The following PCP4 variants were observed in gnomAD, a reference collection of about 807,000 sequenced individuals.
PCP4 encodes the protein calmodulin regulator protein PCP4.
A neutral mutation model predicts 10.0 loss-of-function variants in PCP4; 8 were observed. The ratio of observed to expected loss-of-function variants is 0.80; its 90% confidence interval spans 0.47 to 1.45. The LOEUF (loss-of-function observed/expected upper bound fraction) is 1.45. Among genes scored for constraint, PCP4 ranks in the 40% most tolerant of loss-of-function variants. The pLI is 0.00. For synonymous variants in PCP4, 21 were observed against 23.0 expected, an observed-to-expected ratio of 0.91 and a Z score of 0.24; for missense variants, 54 against 74.4, an observed-to-expected ratio of 0.73 and a Z score of 1.01.
chr21:39,877,728 A>G (rs183468062), intron 1 of PCP4, among the ~76,000 whole-genome samples: 57 of 151,830 alleles, frequency 3.8e-4, no homozygotes, highest in Admixed American at 1.9e-3. Flanking sequence ...ACAAAACAAA[A>G]CAATCAAAGA....
At chr21:39,886,631 A>C (rs2146330981) in intron 1 of PCP4, among the ~76,000 whole-genome samples, 2 of 152,306 alleles carry the variant, frequency 1.3e-5, no homozygotes, top group African/African-American at 4.8e-5. Context: ...ACAAGTATGA[A>C]ATATGTAAGA....
In PCP4 at chr21:39,882,668, G is replaced by A. The variant is rs144201304; in HGVS notation, c.9+15158G>A. ...TTAGTGTTCTTGAAATGATTACATC[G>A]TCAGTTTCATTTAGTTCTAGAAGAC... On this transcript the variant is annotated intron_variant, in intron 1 of 2. Coordinates refer to ENST00000328619, the MANE Select transcript of PCP4 (RefSeq NM_006198.3). Among the ~76,000 whole-genome samples the A allele has an allele frequency of 3.0e-3, 454 of 152,274 alleles. 2 individuals are homozygous for A. The highest frequency in any genetic ancestry group is 1.0e-2 in the African/African-American group (415 of 41,554).
chr21:39,898,894 C>G (rs942345740), intron 2 of PCP4, among the ~76,000 whole-genome samples: 1 of 152,200 alleles, frequency 6.6e-6, no homozygotes, highest in African/African-American at 2.4e-5. Context: ...GTGAAGTACA[C>G]AACTTCTGAA....
At chr21:39,915,668 C>A (rs1234564546) in intron 2 of PCP4, among the ~76,000 whole-genome samples, 1 of 152,136 alleles carries the variant, frequency 6.6e-6, no homozygotes, top group African/African-American at 2.4e-5. Context: ...TGAGCACCAG[C>A]CATTGCACCT....
rs527456881 is a variant in PCP4, at chr21:39,920,209, T to A, written c.62-8775T>A. 9.0e-3 allele frequency among the ~76,000 whole-genome samples: 1,319 copies of A among 146,760 alleles called. 22 individuals are homozygous for A. Among genetic ancestry groups the A allele is most frequent in the African/African-American group, 0.032 (1,271 of 39,414 alleles). ...GTGTTTGTGTGTGATACGATATGTG[T>A]GTTTGGTGTGGTGTGGGTGTGGTGT... On this transcript the variant is annotated intron_variant, in intron 2 of 2. Coordinates refer to ENST00000328619, the MANE Select transcript of PCP4 (RefSeq NM_006198.3).
intron 1 of PCP4, among the ~76,000 whole-genome samples, chr21:39,888,623 C>T (rs761949220): frequency 3.4e-4 from 52 of 152,316 alleles, no homozygotes; most frequent in Non-Finnish European, 2.2e-4. Flanking sequence ...GGGACTCCCC[C>T]GCTGCCCCCG....
intron 2 of PCP4, among the ~76,000 whole-genome samples, chr21:39,903,867 CAAAAAAAACA>C (rs2087493361): frequency 2.9e-5 from 1 of 34,822 alleles, no homozygotes; most frequent in Admixed American, 4.0e-4. Flanking sequence ...GACTCCGTCT[CAAAAAAAACA>C]AAAAAAAAAA....
intron 1 of PCP4, among the ~76,000 whole-genome samples, chr21:39,873,165 C>A (rs554891387): frequency 1.3e-5 from 2 of 152,194 alleles, no homozygotes; most frequent in African/African-American, 2.4e-5. Flanking sequence ...CTGTGAATAC[C>A]TTGGAAAGTG....
chr21:39,876,734 C>T (rs55986519), intron 1 of PCP4, among the ~76,000 whole-genome samples: 29,221 of 152,130 alleles, frequency 0.19, 3,031 homozygotes, highest in South Asian at 0.39. Flanking sequence ...AATAGAAATT[C>T]TAAAGTCTTC....
chr21:39,912,313 T>TA (rs1196346892), intron 2 of PCP4, among the ~76,000 whole-genome samples: 1 of 92,854 alleles, frequency 1.1e-5, no homozygotes, highest in Non-Finnish European at 2.1e-5. Flanking sequence ...TTTTGAAAGG[T>TA]TTTTTTTTTT....
chr21:39,903,867 C>CAAAAAAAA (rs1210365373), intron 2 of PCP4, among the ~76,000 whole-genome samples: 1,032 of 34,572 alleles, frequency 0.03, 26 homozygotes, highest in Non-Finnish European at 0.045. Flanking sequence ...GACTCCGTCT[C>CAAAAAAAA]AAAAAAAACA....
chr21:39,924,629 C>A (rs1181905765), intron 2 of PCP4, among the ~76,000 whole-genome samples: 3 of 152,188 alleles, frequency 2.0e-5, no homozygotes, highest in Non-Finnish European at 2.9e-5. Context: ...CCTCCACCTC[C>A]CGGGCTCCAG....
intron 2 of PCP4, among the ~76,000 whole-genome samples, chr21:39,905,712 C>T (rs2087503709): frequency 6.6e-6 from 1 of 152,218 alleles, no homozygotes; most frequent in African/African-American, 2.4e-5. Flanking sequence ...AGATTCCTAC[C>T]CATCTCTAGC....
At chr21:39,889,289 A>T (rs1416954041) in intron 1 of PCP4, among the ~76,000 whole-genome samples, 1 of 151,976 alleles carries the variant, frequency 6.6e-6, no homozygotes, top group African/African-American at 2.4e-5. Flanking sequence ...AAATTTGGAG[A>T]TGACCTGGGC....
intron 1 of PCP4, among the ~76,000 whole-genome samples, chr21:39,880,142 A>G (rs866556094): frequency 1.9e-4 from 21 of 109,278 alleles, no homozygotes; most frequent in African/African-American, 9.1e-4. Context: ...ATCTATATCT[A>G]TATCTATATC....
intron 1 of PCP4, among the ~76,000 whole-genome samples, chr21:39,889,259 G>A (rs2087416635): frequency 6.6e-6 from 1 of 152,104 alleles, no homozygotes; most frequent in African/African-American, 2.4e-5. Flanking sequence ...AAGAAAGGGA[G>A]GAGTGTATGG....
In PCP4 at chr21:39,889,015, C is replaced by A. The variant is rs572115592; in HGVS notation, c.10-9461C>A. Among the ~76,000 whole-genome samples the A allele has an allele frequency of 2.0e-5, 3 of 152,304 alleles. No homozygotes were observed. The South Asian group carries it at 6.2e-4, about 32-fold the overall frequency. ...TGCCGTAGCCGTGAGAGGCTGACAGCAAGACTGGGAGGAGCCCATTTCACT... is the reference window on the plus strand; with the variant it reads ...TGCCGTAGCCGTGAGAGGCTGACAGAAAGACTGGGAGGAGCCCATTTCACT... On this transcript the variant is annotated intron_variant, in intron 1 of 2. Transcript: ENST00000328619.
intron 2 of PCP4, among the ~76,000 whole-genome samples, chr21:39,927,699 C>T (rs755694002): frequency 6.6e-6 from 1 of 152,138 alleles, no homozygotes; most frequent in Non-Finnish European, 1.5e-5. Context: ...AGGGTGGCAG[C>T]GAGGCTCTTG....
chr21:39,883,804 T>C (rs2087387090), intron 1 of PCP4, among the ~76,000 whole-genome samples: 1 of 152,234 alleles, frequency 6.6e-6, no homozygotes, highest in African/African-American at 2.4e-5. Context: ...ACTTTTACTA[T>C]ATTGCAAGTT....
Sources: allele counts gnomAD v4.1 joint callset (sites outside exome capture counted in the v4.1 genomes callset), GRCh38; gene constraint gnomAD v4.1.1; transcripts MANE v1.5; gene names NCBI Gene and HGNC (gene_info 2026-07-23, HGNC 2026-07-21).